Variants in PRDM7 observed in about 807,000 individuals in gnomAD.
The protein encoded by PRDM7 is PR/SET domain 7, also known as histone-lysine N-methyltransferase PRDM7.
In PRDM7, 52 loss-of-function variants were observed where a neutral mutation model predicts 64.3. That is an observed-to-expected ratio of 0.81 (90% CI 0.65 to 1.02). The LOEUF (loss-of-function observed/expected upper bound fraction) is 1.02, where lower values mean the gene tolerates loss of function less well. PRDM7 is among the 50% of genes least tolerant of loss of function. The pLI is 0.00. For missense variants in PRDM7, 574 were observed against 597.1 expected (o/e 0.96, Z 0.40); for synonymous variants, 192 against 210.1 (o/e 0.91, Z 0.74).
chr16:90,073,865 C>T (rs943533921), intron 4 of PRDM7, among the ~76,000 whole-genome samples: 16 of 151,900 alleles, frequency 1.1e-4, no homozygotes, highest in African/African-American at 3.6e-4. Flanking sequence ...TCACTGCCAC[C>T]TCCACCTCCT....
intron 4 of PRDM7, among the ~76,000 whole-genome samples, chr16:90,069,741 C>CA (rs944404794): frequency 1.8e-4 from 27 of 150,538 alleles, no homozygotes; most frequent in Admixed American, 1.5e-3. Flanking sequence ...ACCTCTGTCT[C>CA]AAAAAAAAGA....
intron 9 of PRDM7, 132 bp downstream of exon 9, chr16:90,061,320 A>G: frequency 1.1e-6 from 1 of 883,136 alleles, no homozygotes; most frequent in Non-Finnish European, 1.7e-6. Context: ...ATGGTATAAA[A>G]CAGCATTGTA....
At position 90,060,524 on chromosome 16, in the gene PRDM7, G is replaced by A. The variant is rs1469238847; in HGVS notation, c.1050C>T (p.Gly350=). 3.7e-6 allele frequency: 6 copies of A among 1,613,806 alleles called. No individual in the cohort carries two copies. The highest frequency in any genetic ancestry group is 1.7e-5 in the Admixed American group (1 of 59,992). ...CCCCAGACCAGACCAGCAGTTCACAGCCTGGCCTAATGACTCGGCAGGTTC... is the reference window on the plus strand; with the variant it reads ...CCCCAGACCAGACCAGCAGTTCACAACCTGGCCTAATGACTCGGCAGGTTC... The part of the protein sequence containing the change: ...FYRTCRVIRP[G]CELLVWSGDE... The change falls in exon 10 of 11, where the codon GGC becomes GGT. Residue 350 remains glycine, a synonymous_variant. Transcript: ENST00000449207.
At chr16:90,068,691 C>G (rs1189305490) in intron 4 of PRDM7, among the ~76,000 whole-genome samples, 3 of 149,846 alleles carry the variant, frequency 2.0e-5, no homozygotes, top group Non-Finnish European at 3.0e-5. Flanking sequence ...AGCAACACCC[C>G]AAATCAGTTG....
Position 90,057,940 on chromosome 16 carries a change from A to T in PRDM7, c.*349T>A. The T allele has an allele frequency of 6.3e-7, 1 of 1,589,458 alleles. No individual in the cohort carries two copies. On this transcript the variant is annotated 3_prime_UTR_variant, in exon 11 of 11. Coordinates refer to ENST00000449207, the MANE Select transcript of PRDM7 (RefSeq NM_001098173.2). ...AGCCCCGCTCACACTCTCTGCAGAC[A>T]TAAGGCTTCTCCCCTGTGTGTGTCC...
At chr16:90,073,831 G>A (rs1488675571) in intron 4 of PRDM7, among the ~76,000 whole-genome samples, 1 of 151,436 alleles carries the variant, frequency 6.6e-6, no homozygotes, top group Non-Finnish European at 1.5e-5. Flanking sequence ...TGCCCAGGCT[G>A]GAGGGTGGTG....
At position 90,062,422 on chromosome 16, in the gene PRDM7, G is replaced by C. The variant is rs561763439; in HGVS notation, c.589C>G (p.Pro197Ala). The C allele has an allele frequency of 2.2e-5, 36 of 1,614,088 alleles. No homozygotes were observed. In the East Asian group the frequency reaches 7.4e-4, roughly 33 times the overall value. The change falls in exon 7 of 11, where the codon CCA (proline) becomes GCA (alanine). Residue 197 changes from proline (P) to alanine (A), a missense_variant. Transcript: ENST00000449207. ...KGHAYKEISE[P>A]QDDDYLYCEM... ...TCACAGAGGTAGTCATCATCCTGTG[G>C]CTCGCTGATCTCTTTGTATGCATGA... is the stretch of plus-strand genomic sequence containing the variant.
chr16:90,059,126 G>A (rs1314882789), intron 10 of PRDM7, among the ~76,000 whole-genome samples: 1 of 152,144 alleles, frequency 6.6e-6, no homozygotes, highest in African/African-American at 2.4e-5. Flanking sequence ...ATATTTAATT[G>A]AGGACTGTTA....
Position 90,072,257 on chromosome 16 carries a change from G to C in PRDM7, c.301+2659C>G, listed in dbSNP as rs1238640063. On this transcript the variant is annotated intron_variant, in intron 4 of 10. Coordinates refer to ENST00000449207, the MANE Select transcript of PRDM7 (RefSeq NM_001098173.2). ...AAAAAAAAAAAAAAGAATTAAAAAC[G>C]ATCTCAAAGAGATATTTGCACACTG... 4.6e-5 allele frequency among the ~76,000 whole-genome samples: 7 copies of C among 151,296 alleles called. No individual in the cohort carries two copies. In the East Asian group the frequency reaches 1.4e-3, roughly 29 times the overall value.
chr16:90,058,222 C>G lies in PRDM7; in HGVS notation c.*67G>C. The G allele has an allele frequency of 1.2e-6, 2 of 1,614,206 alleles. No individual in the cohort carries two copies. Among genetic ancestry groups the G allele is most frequent in the South Asian group, 1.1e-5 (1 of 91,082 alleles). ...CATCATTCTTTCTCCCACTCTAGAG[C>G]TCCCCATTTGTCCTTTGGGTGGGCT... On this transcript the variant is annotated 3_prime_UTR_variant, in exon 11 of 11. Coordinates refer to ENST00000449207, the MANE Select transcript of PRDM7 (RefSeq NM_001098173.2).
At position 90,063,608 on chromosome 16, in the gene PRDM7, T is replaced by G. The variant is rs745652539; in HGVS notation, c.508+4A>C. 7.5e-5 allele frequency: 121 copies of G among 1,612,852 alleles called. No individual in the cohort carries two copies. Among genetic ancestry groups the G allele is most frequent in the Non-Finnish European group, 1.0e-4 (119 of 1,179,976 alleles). On this transcript the variant is annotated splice_donor_region_variant and intron_variant, in intron 6 of 10. Coordinates refer to ENST00000449207, the MANE Select transcript of PRDM7 (RefSeq NM_001098173.2). Reference sequence around the variant, plus strand: ...GACTAAATTCCCCTCAAATTTTTTCTTACCCAGTTTTAGTCTAGAGTGCTG... The same window carrying G: ...GACTAAATTCCCCTCAAATTTTTTCGTACCCAGTTTTAGTCTAGAGTGCTG...
Position 90,062,265 on chromosome 16 carries a change from G to A in PRDM7, c.611-73C>T, listed in dbSNP as rs535363113. 2.6e-4 allele frequency: 422 copies of A among 1,613,980 alleles called. 7 individuals are homozygous for A. In the Middle Eastern group the frequency reaches 3.3e-3, roughly 13 times the overall value. On this transcript the variant is annotated intron_variant, in intron 7 of 10. Coordinates refer to ENST00000449207, the MANE Select transcript of PRDM7 (RefSeq NM_001098173.2). ...TTGATATAAGAGCTTCAGAAAGAGCGTGGCACTCACATTATTTAGCCCCAA... is the reference window on the plus strand; with the variant it reads ...TTGATATAAGAGCTTCAGAAAGAGCATGGCACTCACATTATTTAGCCCCAA...
chr16:90,058,623 T>A, intron 10 of PRDM7, 89 bp from the exon 11 acceptor site: 5 of 1,462,466 alleles, frequency 3.4e-6, no homozygotes, highest in Non-Finnish European at 4.8e-6. Flanking sequence ...GAACCAGTCA[T>A]TCTTCATATG....
At chr16:90,065,262 G>A (rs1393081131) in intron 5 of PRDM7, among the ~76,000 whole-genome samples, 12 of 148,402 alleles carry the variant, frequency 8.1e-5, no homozygotes, top group African/African-American at 3.1e-4. Context: ...GTGTGGTGGC[G>A]GGCGCCTGTA....
chr16:90,062,274 A>G, intron 7 of PRDM7, 82 bp from the exon 8 acceptor site: 1 of 1,613,988 alleles, frequency 6.2e-7, no homozygotes, highest in Non-Finnish European at 8.5e-7. Flanking sequence ...CGTGGCACTC[A>G]CATTATTTAG....
Position 90,076,459 on chromosome 16 carries a change from A to G in PRDM7, c.-85-464T>C, listed in dbSNP as rs112756544. Among the ~76,000 whole-genome samples, 737 of 152,278 alleles carry G rather than the reference A, an allele frequency of 4.8e-3. 1 individual carries two copies. Among genetic ancestry groups the G allele is most frequent in the African/African-American group, 0.017 (688 of 41,552 alleles). On this transcript the variant is annotated intron_variant, in intron 1 of 10. Transcript: ENST00000449207. ...CCTGGGGATTCTAGAAAAATCCAGG[A>G]GTAAAGCAGTCTGCATCTCTAAGGG...
At chr16:90,074,706 T>G (rs989070715) in intron 4 of PRDM7, among the ~76,000 whole-genome samples, 1 of 152,054 alleles carries the variant, frequency 6.6e-6, no homozygotes, top group African/African-American at 2.4e-5. Flanking sequence ...AAATCCCATA[T>G]CTACTAAACA....
At position 90,075,901 on chromosome 16, in the gene PRDM7, C is replaced by T; in HGVS notation, c.10G>A (p.Glu4Lys). 6.2e-7 allele frequency: 1 copy of T among 1,613,904 alleles called. No homozygotes were observed. The highest frequency in any genetic ancestry group is 1.3e-5 in the African/African-American group (1 of 75,056). Residue 4 changes from glutamate (E) to lysine (K), a missense_variant, in exon 2 of 11, where the codon GAA becomes AAA. Transcript: ENST00000449207. This position sits in a 1 kb window ranked among gnomAD's most constrained non-coding sequence, Gnocchi z 4.3. MSP[E>K]RSQEESPEGD... The stretch of plus-strand genomic sequence containing the variant: ...TCTGGGCTCTCCTCTTGGGACCTTT[C>T]AGGGCTCATGGTGCTGGGACTGTCT...
In PRDM7 at chr16:90,065,088, T is replaced by C. The variant is rs1004305264; in HGVS notation, c.352-1320A>G. Among the ~76,000 whole-genome samples, 15 of 150,762 alleles carry C rather than the reference T, an allele frequency of 9.9e-5. 2 individuals are homozygous for C. Among genetic ancestry groups the C allele is most frequent in the African/African-American group, 3.5e-4 (14 of 40,396 alleles). ...CCAAAGTGTTTTTTGAGCTACTTAA[T>C]ACAGTATGAATGTGAGATTAATAAT... On this transcript the variant is annotated intron_variant, in intron 5 of 10. Transcript: ENST00000449207.
Sources: gnomAD v4.1 joint callset for allele counts (sites outside exome capture counted in the v4.1 genomes callset) on GRCh38, gnomAD v4.1.1 for gene constraint, Gnocchi (gnomAD v3.1) non-coding constraint, MANE v1.5 for transcripts, NCBI Gene and HGNC (gene_info 2026-07-23, HGNC 2026-07-21) for gene names.